The following BRD10 variants were observed in gnomAD, a reference collection of about 807,000 sequenced individuals.
The protein encoded by BRD10 is bromodomain containing 10.
the BRD10 span, among the ~76,000 whole-genome samples, chr9:5,883,064 C>A: frequency 2.0e-5 from 3 of 151,958 alleles, no homozygotes; most frequent in Non-Finnish European, 4.4e-5. Context: ...ATGTAAATGA[C>A]GAGTTAATGG....
chr9:5,984,338 T>C, the BRD10 span, among the ~76,000 whole-genome samples: 1 of 151,966 alleles, frequency 6.6e-6, no homozygotes, highest in Non-Finnish European at 1.5e-5. Flanking sequence ...GAATGAAAAA[T>C]GGTATACAGA....
At chr9:5,892,795 C>G in the BRD10 span, among the ~76,000 whole-genome samples, 1 of 152,156 alleles carries the variant, frequency 6.6e-6, no homozygotes, top group Admixed American at 6.5e-5. Flanking sequence ...TTTTTGGGTG[C>G]ACTTTTGACT....
At chr9:5,922,802 A>G in the BRD10 span, 5 of 1,613,838 alleles carry the variant, frequency 3.1e-6, no homozygotes, top group African/African-American at 4.0e-5. Flanking sequence ...CATTTTGTAT[A>G]CCATTTGTAA....
chr9:5,993,328 AAAAAAAAAC>A, the BRD10 span, among the ~76,000 whole-genome samples: 5 of 105,448 alleles, frequency 4.7e-5, no homozygotes, highest in East Asian at 2.5e-4. Flanking sequence ...AAAAAAAAAA[AAAAAAAAAC>A]AACTAAATGA....
At chr9:6,007,324 G>A in the BRD10 span, 1 of 1,613,780 alleles carries the variant, frequency 6.2e-7, no homozygotes, top group Non-Finnish European at 8.5e-7. Context: ...CACGAACTCG[G>A]TGATGCCCCC....
At chr9:5,946,479 G>T in the BRD10 span, among the ~76,000 whole-genome samples, 1 of 152,054 alleles carries the variant, frequency 6.6e-6, no homozygotes, top group Non-Finnish European at 1.5e-5. Flanking sequence ...TCTAGAACTA[G>T]AGAGCGTCTT....
At chr9:5,970,479 T>C in the BRD10 span, among the ~76,000 whole-genome samples, 8 of 152,128 alleles carry the variant, frequency 5.3e-5, no homozygotes, top group Non-Finnish European at 8.8e-5. Flanking sequence ...AAAATGAAAT[T>C]AGATGCAAAG....
the BRD10 span, chr9:5,921,178 T>C: frequency 3.7e-5 from 60 of 1,613,870 alleles, no homozygotes; most frequent in Non-Finnish European, 4.7e-5. Flanking sequence ...TTTTGTCTTC[T>C]CCTTTTGGGG....
chr9:5,908,097 A>C, the BRD10 span, among the ~76,000 whole-genome samples: 2 of 152,222 alleles, frequency 1.3e-5, no homozygotes, highest in African/African-American at 4.8e-5. Flanking sequence ...TAGCTCCACA[A>C]CTTACTAGTT....
At chr9:5,939,178 G>T in the BRD10 span, among the ~76,000 whole-genome samples, 1 of 151,986 alleles carries the variant, frequency 6.6e-6, no homozygotes, top group African/African-American at 2.4e-5. Context: ...TATTCATATA[G>T]TGAAAGCCGT....
At chr9:5,891,285 C>T in the BRD10 span, 1 of 152,174 alleles carries the variant, frequency 6.6e-6, no homozygotes, top group Admixed American at 6.5e-5. Context: ...CACCATTTGC[C>T]AAGGCTCTGA....
chr9:5,881,815 G>T, the BRD10 span: 1 of 152,110 alleles, frequency 6.6e-6, no homozygotes, highest in Non-Finnish European at 1.5e-5. Flanking sequence ...TTCTCTGATG[G>T]TGCTACTTCC....
At chr9:6,002,848 T>TG in the BRD10 span, among the ~76,000 whole-genome samples, 1 of 152,104 alleles carries the variant, frequency 6.6e-6, no homozygotes, top group African/African-American at 2.4e-5. Context: ...GGCTAATTTT[T>TG]TTTGTTTGTT....
the BRD10 span, chr9:6,007,338 C>T: frequency 1.2e-6 from 2 of 1,613,676 alleles, no homozygotes; most frequent in Non-Finnish European, 1.7e-6. Flanking sequence ...TGCCCCCGTA[C>T]TGGCCGCTGG....
At chr9:5,902,205 G>A in the BRD10 span, among the ~76,000 whole-genome samples, 1 of 151,188 alleles carries the variant, frequency 6.6e-6, no homozygotes, top group Non-Finnish European at 1.5e-5. Flanking sequence ...CTCTTCAGAT[G>A]GTCTAGTTCT....
At chr9:5,907,764 C>G in the BRD10 span, among the ~76,000 whole-genome samples, 4 of 152,164 alleles carry the variant, frequency 2.6e-5, no homozygotes, top group African/African-American at 7.2e-5. Context: ...ACCAGCCTGG[C>G]AAACATGGTG....
At chr9:6,007,244 C>A in the BRD10 span, 1 of 1,613,908 alleles carries the variant, frequency 6.2e-7, no homozygotes, top group Non-Finnish European at 8.5e-7. Flanking sequence ...AGCTTCTGGC[C>A]CTGTTTGGAG....
At chr9:5,931,095 C>G in the BRD10 span, among the ~76,000 whole-genome samples, 1 of 152,138 alleles carries the variant, frequency 6.6e-6, no homozygotes, top group African/African-American at 2.4e-5. Context: ...GAAAACTGTT[C>G]AAAGGCTAGG....
At chr9:5,914,410 G>GTTTTTTTT in the BRD10 span, among the ~76,000 whole-genome samples, 42 of 75,488 alleles carry the variant, frequency 5.6e-4, 7 homozygotes, top group African/African-American at 2.4e-3. Context: ...AATCCAGATG[G>GTTTTTTTT]TTTTTTTTTT....
Sources: allele counts gnomAD v4.1 joint callset (sites outside exome capture counted in the v4.1 genomes callset), GRCh38; gene constraint gnomAD v4.1.1; transcripts MANE v1.5; gene names NCBI Gene and HGNC (gene_info 2026-07-23, HGNC 2026-07-21).